Variants in CFI observed in about 807,000 individuals in gnomAD.
CFI encodes complement factor I, also known as C3B/C4B inactivator.
Under a neutral mutation model 78.8 loss-of-function variants are expected in CFI, and 66 were observed. The observed-to-expected ratio is 0.84, with a 90% CI of 0.69 to 1.03. The LOEUF (loss-of-function observed/expected upper bound fraction) is 1.03. CFI is among the 50% of genes least tolerant of loss of function. The probability of loss-of-function intolerance (pLI) is 0.00; values close to 1 mark genes in which losing one functional copy is unlikely to be tolerated. For synonymous variants in CFI, 250 were observed against 232.6 expected (o/e 1.07, Z -0.68); for missense variants, 706 against 704.5 (o/e 1.00, Z -0.02).
intron 3 of CFI, chr4:109,761,936 TC>T (rs1305213128): frequency 4.4e-6 from 2 of 458,536 alleles, no homozygotes; most frequent in Non-Finnish European, 8.0e-6. Context: ...ACGCCTGTAA[TC>T]CCAGCACTTT....
intron 1 of CFI, among the ~76,000 whole-genome samples, chr4:109,798,107 A>G (rs928143512): frequency 6.6e-6 from 1 of 152,184 alleles, no homozygotes; most frequent in African/African-American, 2.4e-5. Context: ...CACATAATAC[A>G]ACTTATATTA....
chr4:109,761,666 T>C lies in CFI; in HGVS notation c.509A>G (p.Lys170Arg). 1.2e-6 allele frequency: 2 copies of C among 1,613,458 alleles called. No homozygotes were observed. Among genetic ancestry groups the C allele is most frequent in the Non-Finnish European group, 1.7e-6 (2 of 1,179,550 alleles). The change falls in exon 4 of 13, where the codon AAG becomes AGG. Residue 170 changes from lysine to arginine, a missense_variant. Coordinates refer to ENST00000394634, the MANE Select transcript of CFI (RefSeq NM_000204.5). ...GGAATTTATAGAGAGATCAGACAAC[T>C]TAAACCTTCTTTGAGTATCAGCACC... ...QQGADTQRRF[K>R]LSDLSINSTE...
At chr4:109,783,083 T>C (rs1730268671) in intron 1 of CFI, among the ~76,000 whole-genome samples, 1 of 152,074 alleles carries the variant, frequency 6.6e-6, no homozygotes, top group Non-Finnish European at 1.5e-5. Flanking sequence ...TTCTAGAAGA[T>C]AACATTGGAA....
intron 1 of CFI, among the ~76,000 whole-genome samples, chr4:109,781,050 G>A (rs1729952128): frequency 1.3e-5 from 2 of 152,140 alleles, no homozygotes; most frequent in South Asian, 2.1e-4. Context: ...TAATGTACAT[G>A]ACAAGTTAAC....
the CFI span, among the ~76,000 whole-genome samples, chr4:109,731,214 C>T: frequency 6.6e-5 from 10 of 151,954 alleles, no homozygotes; most frequent in African/African-American, 2.2e-4. Context: ...GGCGTGGTGG[C>T]GGGCACCTGT....
At chr4:109,782,101 A>G (rs1730123314) in intron 1 of CFI, among the ~76,000 whole-genome samples, 1 of 152,184 alleles carries the variant, frequency 6.6e-6, no homozygotes, top group East Asian at 1.9e-4. Flanking sequence ...AACTGGAACA[A>G]GACAAGGATG....
chr4:109,781,837 A>G (rs887430615), intron 1 of CFI, among the ~76,000 whole-genome samples: 3 of 152,160 alleles, frequency 2.0e-5, no homozygotes, highest in African/African-American at 7.2e-5. Flanking sequence ...CATACCAGGG[A>G]TGCAGGGGTG....
chr4:109,742,067 T>C (rs1173904706), intron 12 of CFI: 5 of 164,236 alleles, frequency 3.0e-5, no homozygotes, highest in African/African-American at 1.2e-4. Context: ...AAAAGTAATT[T>C]AGTTTTGATC....
At chr4:109,746,104 C>G in intron 11 of CFI, 118 bp downstream of exon 11, 1 of 1,250,620 alleles carries the variant, frequency 8.0e-7, no homozygotes, top group East Asian at 2.5e-5. Flanking sequence ...TGGATGTTTA[C>G]TTTTCTGGAT....
the CFI span, among the ~76,000 whole-genome samples, chr4:109,735,064 A>G: frequency 7.0e-4 from 106 of 152,154 alleles, no homozygotes; most frequent in African/African-American, 2.5e-3. Flanking sequence ...CAATCCTCCT[A>G]CTTCAGCCTC....
intron 3 of CFI, chr4:109,762,006 A>G (rs1727135914): frequency 3.0e-6 from 1 of 328,304 alleles, no homozygotes; most frequent in South Asian, 2.8e-5. Flanking sequence ...CCTGGCCAAT[A>G]TGGTGAAAAT....
chr4:109,744,933 A>G (rs1724228671), intron 11 of CFI, among the ~76,000 whole-genome samples: 1 of 152,054 alleles, frequency 6.6e-6, no homozygotes, highest in Non-Finnish European at 1.5e-5. Flanking sequence ...AGGACACAAT[A>G]CTCTCTTGAT....
intron 3 of CFI, 159 bp from the exon 4 acceptor site, chr4:109,761,851 A>T (rs537608187): frequency 1.4e-5 from 9 of 647,234 alleles, no homozygotes; most frequent in African/African-American, 1.1e-4. Context: ...CAGTACCTTC[A>T]TCTATAAAAG....
chr4:109,794,177 T>TG (rs1731746588), intron 1 of CFI: 1 of 152,244 alleles, frequency 6.6e-6, no homozygotes, highest in Admixed American at 6.5e-5. Flanking sequence ...GCCATGCATT[T>TG]GATCAAATGT....
chr4:109,753,663 TGTA>T (rs1433995110), intron 7 of CFI, among the ~76,000 whole-genome samples: 8 of 104,008 alleles, frequency 7.7e-5, no homozygotes, highest in African/African-American at 2.5e-4. Flanking sequence ...TATTATATAA[TGTA>T]TAATTTTATA....
Position 109,753,005 on chromosome 4 carries a change from T to TTATATAAATAAATATTTATAA in CFI, c.905-503_905-502insTTATAAATATTTATTTATATA, listed in dbSNP as rs1561292152. On this transcript the variant is annotated intron_variant, in intron 7 of 12. Coordinates refer to ENST00000394634, the MANE Select transcript of CFI (RefSeq NM_000204.5). Reference sequence around the variant, plus strand: ...AATAAATATTTATAATATATATTTATTATATATTTATTATATAAATAAATA... The same window carrying TTATATAAATAAATATTTATAA: ...AATAAATATTTATAATATATATTTATTATATAAATAAATATTTATAATATATATTTATTATATAAATAAATA... Among the ~76,000 whole-genome samples, 29 of 8,216 alleles carry TTATATAAATAAATATTTATAA rather than the reference T, an allele frequency of 3.5e-3. 4 individuals are homozygous for TTATATAAATAAATATTTATAA. The highest frequency in any genetic ancestry group is 6.2e-3 in the East Asian group (2 of 324). The allele number at this position is 8,216 out of a possible 152,430, so 5.4% of individuals were successfully genotyped here. A position where few individuals can be genotyped will look rare whatever the true frequency, so the allele number is the denominator to read the frequency against.
intron 1 of CFI, among the ~76,000 whole-genome samples, chr4:109,790,997 C>G (rs1731309047): frequency 6.6e-6 from 1 of 152,070 alleles, no homozygotes; most frequent in Admixed American, 6.6e-5. Flanking sequence ...TGGAATTTCT[C>G]TTTTTAGGTC....
At chr4:109,753,858 T>A (rs1185766989) in intron 7 of CFI, among the ~76,000 whole-genome samples, 254 of 59,582 alleles carry the variant, frequency 4.3e-3, no homozygotes, top group Middle Eastern at 0.013. Flanking sequence ...ATATTATATA[T>A]TATATAATGT....
intron 7 of CFI, among the ~76,000 whole-genome samples, chr4:109,756,941 GAAAGAAAGAAAGA>G (rs1253950061): frequency 6.8e-6 from 1 of 147,938 alleles, no homozygotes; most frequent in Non-Finnish European, 1.5e-5. Flanking sequence ...AAGAAAGAAA[GAAAGAAAGAAAGA>G]AAGAAAGAAA....
Sources: allele counts gnomAD v4.1 joint callset (sites outside exome capture counted in the v4.1 genomes callset), GRCh38; gene constraint gnomAD v4.1.1; transcripts MANE v1.5; gene names NCBI Gene and HGNC (gene_info 2026-07-23, HGNC 2026-07-21).